PDZD2: variants seen among roughly 807,000 people sequenced by gnomAD.
PDZD2 encodes PDZ domain-containing protein 2.
A neutral mutation model predicts 220.7 loss-of-function variants in PDZD2; 90 were observed. The observed-to-expected ratio is 0.41, with a 90% CI of 0.34 to 0.49. The LOEUF (loss-of-function observed/expected upper bound fraction) is 0.49, where lower values mean the gene tolerates loss of function less well. Ranked by LOEUF, PDZD2 falls within the 20% of genes least tolerant of loss-of-function variation. The probability of loss-of-function intolerance (pLI) is 0.28; values close to 1 mark genes in which losing one functional copy is unlikely to be tolerated. For missense variants in PDZD2, 3,174 were observed against 3,608.5 expected (o/e 0.88, Z 3.08); for synonymous variants, 1,375 against 1,450.5 (o/e 0.95, Z 1.18).
chr5:31,961,645 TTG>T (rs1164349080), intron 2 of PDZD2, among the ~76,000 whole-genome samples: 1 of 151,920 alleles, frequency 6.6e-6, no homozygotes, highest in Non-Finnish European at 1.5e-5. Flanking sequence ...TTGCTTTGTT[TTG>T]TTTGTTTGTT....
At chr5:31,703,226 C>G (rs768809726) in intron 1 of PDZD2, among the ~76,000 whole-genome samples, 2 of 152,194 alleles carry the variant, frequency 1.3e-5, no homozygotes, top group Non-Finnish European at 2.9e-5. Context: ...GAAACCAACC[C>G]AAATGCCCAT....
At chr5:31,964,504 T>TC (rs929713234) in intron 2 of PDZD2, among the ~76,000 whole-genome samples, 2 of 152,194 alleles carry the variant, frequency 1.3e-5, no homozygotes, top group Non-Finnish European at 2.9e-5. Flanking sequence ...GTTGTTTTTT[T>TC]CCCACTACCA....
At chr5:31,975,855 G>A (rs975186151) in intron 2 of PDZD2, among the ~76,000 whole-genome samples, 1 of 143,672 alleles carries the variant, frequency 7.0e-6, no homozygotes. Flanking sequence ...CAAGGGTGGA[G>A]TGAGGTGGCA....
At chr5:31,713,316 C>T (rs1176208392) in intron 1 of PDZD2, among the ~76,000 whole-genome samples, 1 of 152,218 alleles carries the variant, frequency 6.6e-6, no homozygotes. Context: ...CTCTGCTGGA[C>T]GACCCTAGCT....
intron 1 of PDZD2, among the ~76,000 whole-genome samples, chr5:31,676,575 T>C (rs1396480414): frequency 6.6e-6 from 1 of 151,050 alleles, no homozygotes; most frequent in Non-Finnish European, 1.5e-5. Context: ...TCTCTTTTTT[T>C]TTTTTTTTTG....
chr5:32,039,138 C>T, intron 7 of PDZD2, among the ~76,000 whole-genome samples: 1 of 152,114 alleles, frequency 6.6e-6, no homozygotes, highest in South Asian at 2.1e-4. Context: ...TACGGTCTCC[C>T]TCTCTTGCCG....
chr5:31,737,620 C>G (rs886212142), intron 1 of PDZD2, among the ~76,000 whole-genome samples: 13 of 152,180 alleles, frequency 8.5e-5, no homozygotes, highest in African/African-American at 2.7e-4. Context: ...GCTGTTGTTA[C>G]AAATTCCTCC....
intron 8 of PDZD2, among the ~76,000 whole-genome samples, chr5:32,049,063 G>A (rs537356925): frequency 6.6e-6 from 1 of 152,240 alleles, no homozygotes; most frequent in Admixed American, 6.5e-5. Context: ...GAGAGAGGGA[G>A]TGTGCGTGTG....
Position 32,090,525 on chromosome 5 carries a change from A to G in PDZD2, c.7077A>G (p.Pro2359=), listed in dbSNP as rs1165827919. ...DRPVAKSGAS[P]FLSVSSKPPI... ...CTGTAGCCAAGTCCGGGGCTTCCCCATTTTTGTCGGTGAGCTCCAAGCCTC... is the reference window on the plus strand; with the variant it reads ...CTGTAGCCAAGTCCGGGGCTTCCCCGTTTTTGTCGGTGAGCTCCAAGCCTC... The change falls in exon 20 of 25, where the codon CCA becomes CCG. Residue 2359 remains proline, a synonymous_variant. Transcript: ENST00000438447. This position sits in a 1 kb window ranked among gnomAD's most constrained non-coding sequence, Gnocchi z 4.3. The G allele has an allele frequency of 5.0e-6, 8 of 1,613,664 alleles. No individual in the cohort carries two copies. Among genetic ancestry groups the G allele is most frequent in the African/African-American group, 1.3e-5 (1 of 74,856 alleles).
chr5:31,951,348 T>TGC (rs1747166100), intron 2 of PDZD2, among the ~76,000 whole-genome samples: 1 of 152,006 alleles, frequency 6.6e-6, no homozygotes, highest in Non-Finnish European at 1.5e-5. Context: ...ATCTACAGGG[T>TGC]TGAGCCACTG....
At chr5:31,878,730 T>G (rs891603498) in intron 2 of PDZD2, among the ~76,000 whole-genome samples, 1 of 151,544 alleles carries the variant, frequency 6.6e-6, no homozygotes, top group African/African-American at 2.4e-5. Flanking sequence ...CCAGCTAATT[T>G]TTTTGTATTT....
intron 2 of PDZD2, among the ~76,000 whole-genome samples, chr5:31,833,060 C>A (rs878911107): frequency 6.6e-6 from 1 of 152,064 alleles, no homozygotes; most frequent in Non-Finnish European, 1.5e-5. Context: ...ACTGTCTGTG[C>A]CTGGTTGATT....
intron 2 of PDZD2, among the ~76,000 whole-genome samples, chr5:31,930,887 G>A (rs893135106): frequency 3.9e-5 from 6 of 152,168 alleles, no homozygotes; most frequent in African/African-American, 1.4e-4. Flanking sequence ...AAGAAGTGGA[G>A]TTGACAGGAC....
rs1159355035 is a variant in PDZD2 at position 32,090,088 on chromosome 5, T to C, written c.6640T>C (p.Phe2214Leu). 1 of 1,613,640 alleles carries C rather than the reference T, an allele frequency of 6.2e-7. No homozygotes were observed. The highest frequency in any genetic ancestry group is 1.1e-5 in the South Asian group (1 of 91,076). Residue 2214 changes from phenylalanine (F) to leucine (L), a missense_variant, in exon 20 of 25, where the codon TTC becomes CTC. Transcript: ENST00000438447. The surrounding 1 kb of genome is among the most constrained non-coding windows in gnomAD (Gnocchi z 4.3). ...CCCCTCGGGGGAGGACCATCTCTAC[T>C]TCACCCCAAGGCCAGCGACCAGGAC... The part of the protein sequence containing the change: ...GGPSGEDHLY[F>L]TPRPATRTYS...
chr5:31,760,115 G>A (rs963826159), intron 1 of PDZD2, among the ~76,000 whole-genome samples: 1 of 152,166 alleles, frequency 6.6e-6, no homozygotes, highest in Admixed American at 6.5e-5. Context: ...CAGACCCAGA[G>A]TGGGAGGAGA....
chr5:31,869,045 T>A (rs1738496576), intron 2 of PDZD2, among the ~76,000 whole-genome samples: 1 of 152,124 alleles, frequency 6.6e-6, no homozygotes, highest in South Asian at 2.1e-4. Flanking sequence ...AGTTCTGGGA[T>A]TACAGACATG....
chr5:31,913,319 C>T (rs763118278), intron 2 of PDZD2, among the ~76,000 whole-genome samples: 4 of 141,262 alleles, frequency 2.8e-5, no homozygotes, highest in African/African-American at 2.7e-5. Flanking sequence ...CCAGCCTGGA[C>T]GACAGAGTGA....
chr5:31,850,214 GTA>G (rs1179897775), intron 2 of PDZD2, among the ~76,000 whole-genome samples: 3 of 84,220 alleles, frequency 3.6e-5, no homozygotes, highest in African/African-American at 1.1e-4. Context: ...GTATATATGT[GTA>G]TATATATAAG....
At chr5:31,736,650 G>A (rs1749880712) in intron 1 of PDZD2, among the ~76,000 whole-genome samples, 1 of 152,190 alleles carries the variant, frequency 6.6e-6, no homozygotes, top group African/African-American at 2.4e-5. Context: ...CAAATCAGTG[G>A]CAGAATAAGG....
Sources: gnomAD v4.1 joint callset for allele counts (sites outside exome capture counted in the v4.1 genomes callset) on GRCh38, gnomAD v4.1.1 for gene constraint, Gnocchi (gnomAD v3.1) non-coding constraint, MANE v1.5 for transcripts, NCBI Gene and HGNC (gene_info 2026-07-23, HGNC 2026-07-21) for gene names.